Variants in BTNL8 observed in about 807,000 individuals in gnomAD.
The protein encoded by BTNL8 is butyrophilin like 8.
Under a neutral mutation model 36.1 loss-of-function variants are expected in BTNL8, and 22 were observed. The observed-to-expected ratio is 0.61, with a 90% CI of 0.44 to 0.87. The LOEUF (loss-of-function observed/expected upper bound fraction) is 0.87. Ranked by LOEUF, BTNL8 falls within the 40% of genes least tolerant of loss-of-function variation. BTNL8 has a pLI of 0.00. For synonymous variants in BTNL8, 203 were observed against 235.6 expected (o/e 0.86, Z 1.27); for missense variants, 526 against 616.9 (o/e 0.85, Z 1.56).
intron 3 of BTNL8, among the ~76,000 whole-genome samples, chr5:180,939,860 A>AT (rs202145807): frequency 0.01 from 1,596 of 152,178 alleles, 17 homozygotes; most frequent in African/African-American, 0.03. Context: ...AACCTCAACA[A>AT]TTTTTTTTAA....
At chr5:180,908,496 A>G in intron 1 of BTNL8, 90 bp from the exon 2 acceptor site, 1 of 1,253,874 alleles carries the variant, frequency 8.0e-7, no homozygotes, top group South Asian at 1.4e-5. Flanking sequence ...TGGGAGCTGT[A>G]GACCGGAGCT....
chr5:180,926,497 G>A (rs918585964), intron 3 of BTNL8, among the ~76,000 whole-genome samples: 2 of 152,308 alleles, frequency 1.3e-5, no homozygotes, highest in African/African-American at 4.8e-5. Flanking sequence ...TGGAAAGGGG[G>A]CTGAAGCCAG....
At chr5:180,913,798 C>T (rs1757508122) in intron 3 of BTNL8, among the ~76,000 whole-genome samples, 1 of 152,218 alleles carries the variant, frequency 6.6e-6, no homozygotes. Flanking sequence ...CCCTGCCATT[C>T]TCTACGAATA....
intron 3 of BTNL8, among the ~76,000 whole-genome samples, chr5:180,944,022 C>T (rs1279329208): frequency 1.3e-5 from 2 of 152,162 alleles, no homozygotes; most frequent in Admixed American, 6.5e-5. Context: ...AAATGGATCT[C>T]ATAGAGGTAC....
At position 180,950,682 on chromosome 5, in the gene BTNL8, G is replaced by A. The variant is rs1010774630; in HGVS notation, c.*138G>A. 1 of 895,352 alleles carries A rather than the reference G, an allele frequency of 1.1e-6. No individual in the cohort carries two copies. Among genetic ancestry groups the A allele is most frequent in the Non-Finnish European group, 1.6e-6 (1 of 608,130 alleles). 55.5% of individuals were successfully genotyped at this position (895,352 alleles called of 1,614,324 possible). Reference sequence around the variant, plus strand: ...CACATGGGAGTCAGGTGTCATGGCTGCCCTGAGCTGGGAGGGAAGAAGGCT... The same window carrying A: ...CACATGGGAGTCAGGTGTCATGGCTACCCTGAGCTGGGAGGGAAGAAGGCT... On this transcript the variant is annotated 3_prime_UTR_variant, in exon 8 of 8. Coordinates refer to ENST00000340184, the MANE Select transcript of BTNL8 (RefSeq NM_001040462.3).
intron 1 of BTNL8, among the ~76,000 whole-genome samples, chr5:180,900,860 C>T (rs1756794600): frequency 6.6e-6 from 1 of 152,252 alleles, no homozygotes; most frequent in Non-Finnish European, 1.5e-5. Context: ...CCAACATCTA[C>T]TGTCTCCTTT....
chr5:180,925,252 A>C (rs1425172508), intron 3 of BTNL8, among the ~76,000 whole-genome samples: 2 of 152,264 alleles, frequency 1.3e-5, no homozygotes, highest in East Asian at 3.8e-4. Context: ...ATAATGGCTG[A>C]AAATTTCCCA....
Position 180,909,025 on chromosome 5 carries a change from G to T in BTNL8, c.397+92G>T, listed in dbSNP as rs1294911407. On this transcript the variant is annotated intron_variant, in intron 2 of 7. Coordinates refer to ENST00000340184, the MANE Select transcript of BTNL8 (RefSeq NM_001040462.3). ...CAATAAGGAAATTTTAAAATTTTAGGTCATTTAGTTAGAAGGCAGCATTCT... is the reference window on the plus strand; with the variant it reads ...CAATAAGGAAATTTTAAAATTTTAGTTCATTTAGTTAGAAGGCAGCATTCT... 848 of 1,327,826 alleles carry T rather than the reference G, an allele frequency of 6.4e-4. 2 individuals carry two copies. The African/African-American group carries it at 0.011, about 18-fold the overall frequency. 82.3% of individuals were successfully genotyped at this position (1,327,826 alleles called of 1,614,324 possible). A position where few individuals can be genotyped will look rare whatever the true frequency, so the allele number is the denominator to read the frequency against.
chr5:180,908,467 T>C lies in BTNL8; in HGVS notation c.50-119T>C, dbSNP rs1370130826. 6.4e-6 allele frequency: 6 copies of C among 933,986 alleles called. No homozygotes were observed. The East Asian group carries it at 7.9e-5, about 12-fold the overall frequency. The allele number at this position is 933,986 out of a possible 1,614,324, so 57.9% of individuals were successfully genotyped here. ...CAGATGGAAATGCAGAAATCACCCA[T>C]GTTCTGCGTCGCTCACTCTGGGAGC... On this transcript the variant is annotated intron_variant, in intron 1 of 7. Coordinates refer to ENST00000340184, the MANE Select transcript of BTNL8 (RefSeq NM_001040462.3).
chr5:180,947,397 G>T, intron 3 of BTNL8, 115 bp from the exon 4 acceptor site: 1 of 1,366,788 alleles, frequency 7.3e-7, no homozygotes, highest in Non-Finnish European at 1.0e-6. Context: ...GCCTATAGGA[G>T]AATTTATAGA....
intron 3 of BTNL8, among the ~76,000 whole-genome samples, chr5:180,933,517 A>G (rs1160240781): frequency 6.6e-6 from 1 of 152,206 alleles, no homozygotes; most frequent in Non-Finnish European, 1.5e-5. Flanking sequence ...ATATGTGGAA[A>G]TTAAACAACA....
chr5:180,950,091 TA>T lies in BTNL8; in HGVS notation c.1054del (p.Arg352GlyfsTer18). 6.8e-7 allele frequency: 1 copy of T among 1,462,292 alleles called. No individual in the cohort carries two copies. Among genetic ancestry groups the T allele is most frequent in the East Asian group, 2.4e-5 (1 of 40,872 alleles). 90.6% of individuals were successfully genotyped at this position (1,462,292 alleles called of 1,614,324 possible). On this transcript the variant is annotated frameshift_variant, in exon 8 of 8. Coordinates refer to ENST00000340184, the MANE Select transcript of BTNL8 (RefSeq NM_001040462.3). LOFTEE classifies it low-confidence loss of function (END_TRUNC). Reference protein sequence around the residue: ...HYWEVDGGHNKRWRVGVCRDD... With the variant: ...HYWEVDGGHNXRWRVGVCRDD... Reference sequence around the variant, plus strand: ...ACTGGGAGGTGGACGGAGGACACAATAAAAGGTGGCGCGTGGGAGTGTGCCG... The same window carrying T: ...ACTGGGAGGTGGACGGAGGACACAATAAAGGTGGCGCGTGGGAGTGTGCCG...
Position 180,949,958 on chromosome 5 carries a change from T to G in BTNL8, c.917T>G (p.Leu306Arg). 1 of 1,461,750 alleles carries G rather than the reference T, an allele frequency of 6.8e-7. No individual in the cohort carries two copies. Among genetic ancestry groups the G allele is most frequent in the Non-Finnish European group, 9.4e-7 (1 of 1,058,454 alleles). The allele number at this position is 1,461,750 out of a possible 1,614,324, so 90.5% of individuals were successfully genotyped here. ...TAHPKLCVSD[L>R]KTVTHRKAPQ... ...CACCCGAAGCTCTGCGTTTCTGATC[T>G]GAAAACTGTAACCCATAGAAAAGCT... The change falls in exon 8 of 8, where the codon CTG becomes CGG. Residue 306 changes from leucine (L) to arginine (R), a missense_variant. Leu to Arg is a moderately radical substitution (Grantham distance 102, BLOSUM62 -2). Around this residue, in one of 2 missense-constraint regions of BTNL8, gnomAD observed 176 missense variants for 292.3 expected, o/e 0.60. Coordinates refer to ENST00000340184, the MANE Select transcript of BTNL8 (RefSeq NM_001040462.3).
intron 4 of BTNL8, chr5:180,947,897 C>A (rs757036689): frequency 1.7e-5 from 21 of 1,227,660 alleles, no homozygotes; most frequent in South Asian, 1.4e-4. Context: ...GATAATTTTC[C>A]ATGAACACCA....
At chr5:180,945,842 C>T in intron 3 of BTNL8, 1 of 492,416 alleles carries the variant, frequency 2.0e-6, no homozygotes, top group Non-Finnish European at 4.1e-6. Context: ...GAAATATGGC[C>T]TCAATATGTG....
In BTNL8 at chr5:180,935,227, C is replaced by G. The variant is rs770357676; in HGVS notation, c.674-12285C>G. ...CACCCGGAACTGGCAGCCCAGCCCC[C>G]AGGCTTCAGGTCATCCCTGGCTTGA... On this transcript the variant is annotated intron_variant, in intron 3 of 7. Coordinates refer to ENST00000340184, the MANE Select transcript of BTNL8 (RefSeq NM_001040462.3). This position sits in a 1 kb window ranked among gnomAD's most constrained non-coding sequence, Gnocchi z 4.8. Among the ~76,000 whole-genome samples, 47 of 152,216 alleles carry G rather than the reference C, an allele frequency of 3.1e-4. No individual in the cohort carries two copies. The highest frequency in any genetic ancestry group is 6.5e-4 in the Non-Finnish European group (44 of 68,038).
intron 1 of BTNL8, among the ~76,000 whole-genome samples, chr5:180,907,757 G>A (rs1017252942): frequency 6.6e-6 from 1 of 152,042 alleles, no homozygotes; most frequent in African/African-American, 2.4e-5. Context: ...CTCAGCTGCA[G>A]GTCTGTTGGA....
chr5:180,907,652 T>A (rs1450063300), intron 1 of BTNL8, among the ~76,000 whole-genome samples: 12 of 151,312 alleles, frequency 7.9e-5, no homozygotes, highest in Admixed American at 6.6e-4. Flanking sequence ...ATCTTTGTGG[T>A]TTTGTCTACT....
chr5:180,927,781 GAAA>G (rs1195900563), intron 3 of BTNL8, among the ~76,000 whole-genome samples: 1 of 151,942 alleles, frequency 6.6e-6, no homozygotes, highest in Admixed American at 6.6e-5. Context: ...CAAGATTAGA[GAAA>G]AAAAGAATGA....
Sources: gnomAD v4.1 joint callset for allele counts (sites outside exome capture counted in the v4.1 genomes callset) on GRCh38, gnomAD v4.1.1 for gene constraint, gnomAD v4.1.1 regional missense constraint, Gnocchi (gnomAD v3.1) non-coding constraint, MANE v1.5 for transcripts, NCBI Gene and HGNC (gene_info 2026-07-23, HGNC 2026-07-21) for gene names.